Variants in RNF182 observed in about 807,000 individuals in gnomAD.
RNF182 encodes E3 ubiquitin-protein ligase RNF182.
A neutral mutation model predicts 14.4 loss-of-function variants in RNF182; 15 were observed. That is an observed-to-expected ratio of 1.04 (90% CI 0.70 to 1.60). RNF182 has a LOEUF of 1.60. Ranked by LOEUF, RNF182 falls within the 40% of genes most tolerant of loss-of-function variation. The pLI, the probability that RNF182 is intolerant of heterozygous loss-of-function variation, is 0.00. For missense variants in RNF182, 268 were observed against 294.8 expected, an observed-to-expected ratio of 0.91 and a Z score of 0.67; for synonymous variants, 128 against 122.9, an observed-to-expected ratio of 1.04 and a Z score of -0.27.
intron 1 of RNF182, among the ~76,000 whole-genome samples, chr6:13,946,140 CATT>C (rs200937239): frequency 0.023 from 3,172 of 137,374 alleles, 95 homozygotes; most frequent in East Asian, 0.069. Context: ...TAAAGCAAAA[CATT>C]ATTATTATTA....
chr6:13,957,451 A>G (rs902369267), intron 1 of RNF182, among the ~76,000 whole-genome samples: 2 of 152,174 alleles, frequency 1.3e-5, no homozygotes, highest in East Asian at 3.8e-4. Flanking sequence ...AAGTTTTTAA[A>G]TTTCCTTTTA....
intron 1 of RNF182, among the ~76,000 whole-genome samples, chr6:13,944,285 T>G (rs1055425854): frequency 2.0e-5 from 3 of 152,182 alleles, no homozygotes; most frequent in African/African-American, 7.2e-5. Context: ...GTAAGTTATT[T>G]TGGCTTAAGA....
At position 13,955,059 on chromosome 6, in the gene RNF182, G is replaced by A. The variant is rs988421621; in HGVS notation, c.-366-19151G>A. Among the ~76,000 whole-genome samples, 3 of 152,180 alleles carry A rather than the reference G, an allele frequency of 2.0e-5. No homozygotes were observed. The East Asian group carries it at 5.8e-4, about 29-fold the overall frequency. The stretch of plus-strand genomic sequence containing the variant: ...TTGCTTTGTGATTTTGGCAGCCATT[G>A]ATAATTATTGTGTAGGTTAGGGGTC... On this transcript the variant is annotated intron_variant, in intron 1 of 2. Coordinates refer to ENST00000488300, the MANE Select transcript of RNF182 (RefSeq NM_152737.4).
At chr6:13,956,605 G>A (rs1030130490) in intron 1 of RNF182, among the ~76,000 whole-genome samples, 6 of 152,032 alleles carry the variant, frequency 3.9e-5, no homozygotes, top group Non-Finnish European at 7.4e-5. Context: ...GATTACCTGC[G>A]TGAGCCAATG....
intron 1 of RNF182, among the ~76,000 whole-genome samples, chr6:13,937,849 T>C (rs9396272): frequency 0.32 from 47,942 of 152,030 alleles, 8,192 homozygotes; most frequent in East Asian, 0.61. Context: ...TAGTAGCAGA[T>C]GAAAAATGAT....
At position 13,938,149 on chromosome 6, in the gene RNF182, G is replaced by A. The variant is rs1288681352; in HGVS notation, c.-367+13126G>A. 9.6e-5 allele frequency among the ~76,000 whole-genome samples: 14 copies of A among 146,386 alleles called. No homozygotes were observed. The South Asian group carries it at 1.5e-3, about 16-fold the overall frequency. The stretch of plus-strand genomic sequence containing the variant: ...TGCGTAACTGGGACTACAGGCGCCC[G>A]CCACCATGCCTGGCTAATTTTTTGT... On this transcript the variant is annotated intron_variant, in intron 1 of 2. Coordinates refer to ENST00000488300, the MANE Select transcript of RNF182 (RefSeq NM_152737.4).
intron 1 of RNF182, among the ~76,000 whole-genome samples, chr6:13,939,248 T>G (rs1006396643): frequency 2.6e-5 from 4 of 152,216 alleles, no homozygotes; most frequent in African/African-American, 9.6e-5. Flanking sequence ...ACAAACAACC[T>G]GATAGATTTT....
chr6:13,960,380 A>G (rs1172311233), intron 1 of RNF182, among the ~76,000 whole-genome samples: 1 of 152,166 alleles, frequency 6.6e-6, no homozygotes, highest in Non-Finnish European at 1.5e-5. Context: ...AATGGCTTAT[A>G]TCTGTAATCC....
At chr6:13,958,413 T>C (rs911975154) in intron 1 of RNF182, among the ~76,000 whole-genome samples, 6 of 152,038 alleles carry the variant, frequency 3.9e-5, no homozygotes, top group Non-Finnish European at 7.4e-5. Flanking sequence ...ATAAAATCTA[T>C]AATCTGAAAG....
chr6:13,949,976 A>G (rs1474221507), intron 1 of RNF182, among the ~76,000 whole-genome samples: 3 of 152,194 alleles, frequency 2.0e-5, no homozygotes, highest in Admixed American at 6.5e-5. Context: ...ATTTTTCACA[A>G]ACTTTCCACC....
At chr6:13,965,769 A>G (rs1456478337) in intron 1 of RNF182, among the ~76,000 whole-genome samples, 3 of 152,238 alleles carry the variant, frequency 2.0e-5, no homozygotes, top group African/African-American at 7.2e-5. Flanking sequence ...GCCAAGGAAG[A>G]AGGCTTTAAT....
chr6:13,937,079 A>T (rs1759130053), intron 1 of RNF182, among the ~76,000 whole-genome samples: 2 of 152,356 alleles, frequency 1.3e-5, no homozygotes, highest in South Asian at 4.1e-4. Context: ...GGTGTTGCAT[A>T]TAGACTTTTC....
At chr6:13,970,207 G>T (rs1324545243) in intron 1 of RNF182, among the ~76,000 whole-genome samples, 1 of 152,064 alleles carries the variant, frequency 6.6e-6, no homozygotes, top group Non-Finnish European at 1.5e-5. Flanking sequence ...GCTAAGTATA[G>T]TCACCCTAGT....
At position 13,940,263 on chromosome 6, in the gene RNF182, A is replaced by G. The variant is rs370098770; in HGVS notation, c.-367+15240A>G. Reference sequence around the variant, plus strand: ...ATTTTCCGCATTTATCGAGATGATGATATGATTTGTTCCTCCTTTATTTTG... The same window carrying G: ...ATTTTCCGCATTTATCGAGATGATGGTATGATTTGTTCCTCCTTTATTTTG... On this transcript the variant is annotated intron_variant, in intron 1 of 2. Coordinates refer to ENST00000488300, the MANE Select transcript of RNF182 (RefSeq NM_152737.4). Among the ~76,000 whole-genome samples, 15 of 152,322 alleles carry G rather than the reference A, an allele frequency of 9.8e-5. No individual in the cohort carries two copies. In the East Asian group the frequency reaches 2.7e-3, roughly 27 times the overall value.
intron 1 of RNF182, among the ~76,000 whole-genome samples, chr6:13,971,099 C>G (rs2113645141): frequency 6.6e-6 from 1 of 152,134 alleles, no homozygotes; most frequent in South Asian, 2.1e-4. Context: ...GTTTTTTCTT[C>G]CCTTCAAGGC....
chr6:13,976,543 C>G (rs987363053), intron 2 of RNF182, among the ~76,000 whole-genome samples: 1 of 152,144 alleles, frequency 6.6e-6, no homozygotes, highest in Non-Finnish European at 1.5e-5. Context: ...AATTAGTTTT[C>G]TGTTTCTGAT....
chr6:13,933,254 C>A (rs1402762387), intron 1 of RNF182, among the ~76,000 whole-genome samples: 2 of 152,114 alleles, frequency 1.3e-5, no homozygotes, highest in Non-Finnish European at 2.9e-5. Context: ...TAAGAATTGG[C>A]CAGGTGCGTG....
intron 1 of RNF182, among the ~76,000 whole-genome samples, chr6:13,925,785 G>A (rs933512454): frequency 6.6e-6 from 1 of 152,142 alleles, no homozygotes; most frequent in Admixed American, 6.5e-5. Context: ...CACCTCTGGA[G>A]GCAGGTAGCT....
At chr6:13,938,175 A>ATTTTTTTTTT (rs1169253099) in intron 1 of RNF182, among the ~76,000 whole-genome samples, 169 of 92,174 alleles carry the variant, frequency 1.8e-3, no homozygotes, top group Non-Finnish European at 2.4e-3. Context: ...AATTTTTTGT[A>ATTTTTTTTTT]TTTTTTTTTT....
Sources: allele counts gnomAD v4.1 joint callset (sites outside exome capture counted in the v4.1 genomes callset), GRCh38; gene constraint gnomAD v4.1.1; transcripts MANE v1.5; gene names NCBI Gene and HGNC (gene_info 2026-07-23, HGNC 2026-07-21).